Variants in CFAP221 observed in about 807,000 individuals in gnomAD.
The protein encoded by CFAP221 is cilia- and flagella-associated protein 221.
Under a neutral mutation model 113.1 loss-of-function variants are expected in CFAP221, and 97 were observed. The observed-to-expected ratio is 0.86, with a 90% CI of 0.73 to 1.02. CFAP221 has a LOEUF of 1.02. Ranked by LOEUF, CFAP221 falls within the 50% of genes least tolerant of loss-of-function variation. CFAP221 has a pLI of 0.00. For synonymous variants in CFAP221, 331 were observed against 354.4 expected (o/e 0.93, Z 0.74); for missense variants, 1,025 against 1,013.4 (o/e 1.01, Z -0.16).
At chr2:119,597,566 A>G (rs541835515) in intron 7 of CFAP221, among the ~76,000 whole-genome samples, 126 of 152,378 alleles carry the variant, frequency 8.3e-4, no homozygotes, top group Admixed American at 2.1e-3. Flanking sequence ...TGTTACCAGT[A>G]GAGGGTGTCC....
chr2:119,584,146 T>G (rs921627368), intron 6 of CFAP221, among the ~76,000 whole-genome samples: 2 of 152,212 alleles, frequency 1.3e-5, no homozygotes, highest in African/African-American at 2.4e-5. Flanking sequence ...CAGATTTCAA[T>G]TTTCTCCAAA....
At chr2:119,658,266 T>A (rs1015795305), downstream of CFAP221, among the ~76,000 whole-genome samples, 2 of 152,242 alleles carry the variant, frequency 1.3e-5, no homozygotes, top group Non-Finnish European at 2.9e-5. Context: ...ATATAGGTTA[T>A]AATCCAACAC....
At chr2:119,609,714 A>G (rs1574124650) in intron 12 of CFAP221, among the ~76,000 whole-genome samples, 1 of 152,342 alleles carries the variant, frequency 6.6e-6, no homozygotes, top group African/African-American at 2.4e-5. Flanking sequence ...TTTCGAAGGG[A>G]CACAATTCAA....
chr2:119,611,800 T>A, intron 13 of CFAP221, 58 bp downstream of exon 13: 1 of 1,256,312 alleles, frequency 8.0e-7, no homozygotes, highest in Non-Finnish European at 1.1e-6. Context: ...AATGCTTATT[T>A]TTTTGAATGC....
chr2:119,612,026 G>T (rs1486080077), intron 13 of CFAP221, among the ~76,000 whole-genome samples: 1 of 151,936 alleles, frequency 6.6e-6, no homozygotes, highest in Non-Finnish European at 1.5e-5. Flanking sequence ...CATTCTCCAA[G>T]CCCCTGTCCA....
At chr2:119,651,943 A>C (rs531542171) in intron 22 of CFAP221, 31 bp from the exon 23 acceptor site, 3 of 1,498,250 alleles carry the variant, frequency 2.0e-6, no homozygotes, top group African/African-American at 2.8e-5. Flanking sequence ...AAGGAAAAGC[A>C]GTGCCCACTA....
rs1162107133 is a variant in CFAP221 at position 119,639,771 on chromosome 2, T to A, written c.2134-10T>A. On this transcript the variant is annotated splice_polypyrimidine_tract_variant and intron_variant, in intron 20 of 23. Coordinates refer to ENST00000413369, the MANE Select transcript of CFAP221 (RefSeq NM_001271049.2). The stretch of plus-strand genomic sequence containing the variant: ...AACAGTTGCTTCCCATGTGCTGACT[T>A]TCCTTACAGGACATTATTCCCGGAA... 2 of 1,611,406 alleles carry A rather than the reference T, an allele frequency of 1.2e-6. No individual in the cohort carries two copies.
chr2:119,556,998 T>C lies in CFAP221; in HGVS notation c.241-2691T>C, dbSNP rs144971319. ...TGGAGGAAAGGTCAAGTCTCTTTAT[T>C]TGTCCATAGGTGCTGGCTGGATCTC... On this transcript the variant is annotated intron_variant, in intron 3 of 23. Coordinates refer to ENST00000413369, the MANE Select transcript of CFAP221 (RefSeq NM_001271049.2). 1,253 of 152,346 alleles carry C rather than the reference T, an allele frequency of 8.2e-3. 12 individuals carry two copies. The highest frequency in any genetic ancestry group is 0.037 in the Middle Eastern group (11 of 294). The allele number at this position is 152,346 out of a possible 1,614,324, so 9.4% of individuals were successfully genotyped here. A position where few individuals can be genotyped will look rare whatever the true frequency, so the allele number is the denominator to read the frequency against.
chr2:119,657,265 G>T (rs866265055), downstream of CFAP221, among the ~76,000 whole-genome samples: 1 of 152,134 alleles, frequency 6.6e-6, no homozygotes, highest in Non-Finnish European at 1.5e-5. Flanking sequence ...CTGTATGTTT[G>T]TAGTCTTCAT....
At chr2:119,549,485 T>A (rs1268740260) in intron 3 of CFAP221, among the ~76,000 whole-genome samples, 1 of 152,260 alleles carries the variant, frequency 6.6e-6, no homozygotes, top group African/African-American at 2.4e-5. Context: ...ATCCTTATGC[T>A]AGCTCTGTGG....
chr2:119,576,355 C>A (rs1282945383), intron 6 of CFAP221, among the ~76,000 whole-genome samples: 1 of 152,176 alleles, frequency 6.6e-6, no homozygotes, highest in Non-Finnish European at 1.5e-5. Flanking sequence ...TCCCTCCTCT[C>A]ACCCTCCACA....
intron 23 of CFAP221, 102 bp from the exon 24 acceptor site, chr2:119,656,260 C>G: frequency 2.4e-6 from 2 of 838,190 alleles, no homozygotes; most frequent in Non-Finnish European, 4.0e-6. Context: ...GTATATTAAA[C>G]GAAATGCTCC....
intron 6 of CFAP221, among the ~76,000 whole-genome samples, chr2:119,574,303 G>A (rs1682278674): frequency 6.6e-6 from 1 of 152,146 alleles, no homozygotes; most frequent in African/African-American, 2.4e-5. Context: ...TGTCTAGTCT[G>A]TATAAACTCT....
chr2:119,639,296 C>T (rs780645449), intron 20 of CFAP221, among the ~76,000 whole-genome samples: 1 of 152,190 alleles, frequency 6.6e-6, no homozygotes, highest in Non-Finnish European at 1.5e-5. Context: ...ACAATGCCCT[C>T]GTGACCTGCC....
At chr2:119,660,293 C>A (rs775987390), downstream of CFAP221, 3 of 152,228 alleles carry the variant, frequency 2.0e-5, no homozygotes, top group Non-Finnish European at 4.4e-5. Flanking sequence ...TCCACCAAAT[C>A]GACTTCCAAA....
chr2:119,654,053 C>T (rs1168256045), intron 23 of CFAP221, among the ~76,000 whole-genome samples: 3 of 151,970 alleles, frequency 2.0e-5, no homozygotes, highest in Non-Finnish European at 2.9e-5. Flanking sequence ...CTCAGTTTGT[C>T]GTCTACTTTG....
At chr2:119,640,763 T>A (rs1687436156) in intron 21 of CFAP221, among the ~76,000 whole-genome samples, 1 of 152,100 alleles carries the variant, frequency 6.6e-6, no homozygotes, top group Non-Finnish European at 1.5e-5. Flanking sequence ...CAGTAGGTGA[T>A]CTTTACACAC....
intron 8 of CFAP221, chr2:119,602,781 G>A: frequency 1.0e-6 from 1 of 985,316 alleles, no homozygotes; most frequent in Non-Finnish European, 1.2e-6. Context: ...AATGGTGTTT[G>A]CCACTTCACA....
intron 6 of CFAP221, among the ~76,000 whole-genome samples, chr2:119,567,490 A>G (rs1195058890): frequency 6.6e-6 from 1 of 152,216 alleles, no homozygotes; most frequent in Non-Finnish European, 1.5e-5. Context: ...CATAGTATAG[A>G]TGTACTACAG....
Sources: allele counts gnomAD v4.1 joint callset (sites outside exome capture counted in the v4.1 genomes callset), GRCh38; gene constraint gnomAD v4.1.1; transcripts MANE v1.5; gene names NCBI Gene and HGNC (gene_info 2026-07-23, HGNC 2026-07-21).